The following ARIH2 variants were observed in gnomAD, a reference collection of about 807,000 sequenced individuals.
ARIH2 encodes E3 ubiquitin-protein ligase ARIH2.
Under a neutral mutation model 79.8 loss-of-function variants are expected in ARIH2, and 12 were observed. The observed-to-expected ratio is 0.15, with a 90% confidence interval of 0.10 to 0.24. ARIH2 has a LOEUF of 0.24. Ranked by LOEUF, ARIH2 falls within the 10% of genes least tolerant of loss-of-function variation. The probability of loss-of-function intolerance (pLI) is 1.00; values close to 1 mark genes in which losing one functional copy is unlikely to be tolerated. For missense variants in ARIH2, 301 were observed against 618.3 expected, an observed-to-expected ratio of 0.49 and a Z score of 5.44; for synonymous variants, 224 against 213.9, an observed-to-expected ratio of 1.05 and a Z score of -0.41.
At chr3:48,956,170 A>C (rs916387197) in intron 3 of ARIH2, among the ~76,000 whole-genome samples, 4 of 149,234 alleles carry the variant, frequency 2.7e-5, no homozygotes, top group Non-Finnish European at 5.9e-5. Flanking sequence ...ACGGAGTCTC[A>C]CTCTGTCACC....
chr3:48,977,349 C>T (rs1469688362), intron 11 of ARIH2, among the ~76,000 whole-genome samples: 2 of 151,914 alleles, frequency 1.3e-5, no homozygotes, highest in African/African-American at 2.4e-5. Context: ...CCCAGGCTGA[C>T]AGGCTGAGTG....
At chr3:48,931,203 T>C (rs1165033046) in intron 3 of ARIH2, among the ~76,000 whole-genome samples, 2 of 152,142 alleles carry the variant, frequency 1.3e-5, no homozygotes, top group African/African-American at 4.8e-5. Flanking sequence ...TCCTCCCATC[T>C]CAGCCTCCCA....
intron 12 of ARIH2, chr3:48,979,875 A>G (rs979404191): frequency 7.4e-6 from 3 of 404,702 alleles, no homozygotes; most frequent in Non-Finnish European, 1.3e-5. Flanking sequence ...TTGAAGGACA[A>G]TGAAGGGCCA....
rs1036285856 is a variant in ARIH2, at chr3:48,984,312, TTTC to T, written c.*1044_*1046del. ...GATAGCCCTTCCTAGGGCACTGGACTTTCTGGCATGGGGGCTGTGTTTGCACAA... is the reference window on the plus strand; with the variant it reads ...GATAGCCCTTCCTAGGGCACTGGACTTGGCATGGGGGCTGTGTTTGCACAA... On this transcript the variant is annotated 3_prime_UTR_variant, in exon 16 of 16. Transcript: ENST00000356401. 6.5e-6 allele frequency: 1 copy of T among 152,752 alleles called. No individual in the cohort carries two copies. Among genetic ancestry groups the T allele is most frequent in the African/African-American group, 2.4e-5 (1 of 41,540 alleles). 9.5% of individuals were successfully genotyped at this position (152,752 alleles called of 1,614,324 possible).
In ARIH2 at chr3:48,927,503, G is replaced by C. The variant is rs536857938; in HGVS notation, c.-56G>C. The C allele has an allele frequency of 8.7e-5, 138 of 1,582,104 alleles. No homozygotes were observed. Among genetic ancestry groups the C allele is most frequent in the East Asian group, 1.6e-4 (7 of 44,632 alleles). On this transcript the variant is annotated 5_prime_UTR_variant, in exon 3 of 16. Transcript: ENST00000356401. ...TGCATTTGAGAAAGCGGTAGTTTTG[G>C]GGGGAGGGGGAAAAAGCAACTGCTT...
At chr3:48,923,553 C>T (rs1424022521) in intron 2 of ARIH2, among the ~76,000 whole-genome samples, 4 of 149,314 alleles carry the variant, frequency 2.7e-5, no homozygotes, top group African/African-American at 7.4e-5. Flanking sequence ...TAGAGTTTCC[C>T]TCTTGTTGCC....
chr3:48,977,238 T>C (rs1274870487), intron 11 of ARIH2, among the ~76,000 whole-genome samples: 4 of 152,056 alleles, frequency 2.6e-5, no homozygotes, highest in Non-Finnish European at 4.4e-5. Flanking sequence ...GCCATCTCTT[T>C]CTTTGCTGTA....
Position 48,985,717 on chromosome 3 carries a change from G to T in ARIH2, c.*2447G>T, listed in dbSNP as rs1194497772. On this transcript the variant is annotated 3_prime_UTR_variant, in exon 16 of 16. Transcript: ENST00000356401. Reference sequence around the variant, plus strand: ...CCCTTTCTGGCTGTTGGGGGAGAGGGCACCTGTAAGTGATCCCTGTGGAAT... The same window carrying T: ...CCCTTTCTGGCTGTTGGGGGAGAGGTCACCTGTAAGTGATCCCTGTGGAAT... 1.3e-5 allele frequency: 2 copies of T among 152,154 alleles called. No homozygotes were observed. The highest frequency in any genetic ancestry group is 1.3e-4 in the Admixed American group (2 of 15,272). 9.4% of individuals were successfully genotyped at this position (152,154 alleles called of 1,614,324 possible). A position where few individuals can be genotyped will look rare whatever the true frequency, so the allele number is the denominator to read the frequency against.
At position 48,964,921 on chromosome 3, in the gene ARIH2, A is replaced by G. The variant is rs2091624253; in HGVS notation, c.326A>G (p.Tyr109Cys). The G allele has an allele frequency of 1.2e-6, 2 of 1,613,326 alleles. No homozygotes were observed. The highest frequency in any genetic ancestry group is 1.6e-4 in the Middle Eastern group (1 of 6,062). The change falls in exon 5 of 16, where the codon TAC becomes TGC. Residue 109 changes from tyrosine (Y) to cysteine (C), a missense_variant and splice_region_variant. Tyr to Cys is a radical substitution (Grantham distance 194). Transcript: ENST00000356401. Reference sequence around the variant, plus strand: ...CATTTCTGCTTTTTGTTTTGTAGATACAAGTCCAATTCTGCTCAACTGCTT... The same window carrying G: ...CATTTCTGCTTTTTGTTTTGTAGATGCAAGTCCAATTCTGCTCAACTGCTT... Reference protein sequence around the residue: ...HWQVSEILDRYKSNSAQLLVE... With the variant: ...HWQVSEILDRCKSNSAQLLVE...
rs60243443 is a variant in ARIH2, at chr3:48,983,606, CAA to C, written c.*349_*350del. 220 of 151,588 alleles carry C rather than the reference CAA, an allele frequency of 1.5e-3. No homozygotes were observed. Among genetic ancestry groups the C allele is most frequent in the South Asian group, 3.5e-3 (20 of 5,634 alleles). 9.4% of individuals were successfully genotyped at this position (151,588 alleles called of 1,614,324 possible). ...AACTTTCAAAGGTTGTACAATTATA[CAA>C]AAAAAAAAAAAAGGCAAACTATAGG... On this transcript the variant is annotated 3_prime_UTR_variant, in exon 16 of 16. Coordinates refer to ENST00000356401, the MANE Select transcript of ARIH2 (RefSeq NM_006321.4).
At chr3:48,953,407 TTTTA>T (rs2090184934) in intron 3 of ARIH2, among the ~76,000 whole-genome samples, 1 of 152,154 alleles carries the variant, frequency 6.6e-6, no homozygotes, top group Non-Finnish European at 1.5e-5. Flanking sequence ...ATTTTCTTTT[TTTTA>T]TTTTTTATTT....
In ARIH2 at chr3:48,979,507, T is replaced by C. The variant is rs1267648728; in HGVS notation, c.987T>C (p.Asp329=). ...ACTTCTGCTGGATGTGTCTAGGAGA[T>C]TGGAAGACTCATGGCAGTGAATACT... is the stretch of plus-strand genomic sequence containing the variant. ...KHDFCWMCLG[D]WKTHGSEYYE... Residue 329 remains aspartate (D), a synonymous_variant, in exon 12 of 16, where the codon GAT becomes GAC. Transcript: ENST00000356401. 11 of 1,614,108 alleles carry C rather than the reference T, an allele frequency of 6.8e-6. No individual in the cohort carries two copies. Among genetic ancestry groups the C allele is most frequent in the Middle Eastern group, 1.6e-4 (1 of 6,078 alleles).
chr3:48,960,155 T>G (rs2107520534), intron 3 of ARIH2, among the ~76,000 whole-genome samples: 1 of 152,348 alleles, frequency 6.6e-6, no homozygotes, highest in Non-Finnish European at 1.5e-5. Context: ...AAGCCTGATC[T>G]AAGGCTTCCA....
At chr3:48,969,892 G>GTTTTT (rs1316536295) in intron 7 of ARIH2, among the ~76,000 whole-genome samples, 1 of 137,364 alleles carries the variant, frequency 7.3e-6, no homozygotes, top group African/African-American at 2.7e-5. Flanking sequence ...TCAGATATAT[G>GTTTTT]TTTTTTTTTT....
In ARIH2 at chr3:48,964,567, G is replaced by A. The variant is rs149601580; in HGVS notation, c.324-352G>A. Among the ~76,000 whole-genome samples, 450 of 152,036 alleles carry A rather than the reference G, an allele frequency of 3.0e-3. 4 individuals are homozygous for A. The highest frequency in any genetic ancestry group is 0.01 in the African/African-American group (427 of 41,480). ...TGACCTCAAGTGATCTGCCCGCCTC[G>A]GCCTCCCAAAGTGCTGGGATTGCAG... On this transcript the variant is annotated intron_variant, in intron 4 of 15. Transcript: ENST00000356401.
At chr3:48,935,053 AT>A (rs1438393581) in intron 3 of ARIH2, 6 of 671,226 alleles carry the variant, frequency 8.9e-6, no homozygotes, top group Non-Finnish European at 1.1e-5. Context: ...AAATAATATC[AT>A]TCATGTTTTC....
At chr3:48,934,793 T>C (rs975066008) in intron 3 of ARIH2, 84 of 985,320 alleles carry the variant, frequency 8.5e-5, no homozygotes, top group Non-Finnish European at 1.0e-4. Context: ...AAAGTTATTG[T>C]CATCGCTGTG....
Position 48,982,756 on chromosome 3 carries a change from AAC to A in ARIH2, c.1327-137_1327-136del, listed in dbSNP as rs1313938545. On this transcript the variant is annotated intron_variant, in intron 14 of 15. Coordinates refer to ENST00000356401, the MANE Select transcript of ARIH2 (RefSeq NM_006321.4). ...GATTCTGGCTCTGGGCACAGGGAAT[AAC>A]ACTACTTTCTGAGGACAGTATCAGG... 1.1e-5 allele frequency: 7 copies of A among 663,678 alleles called. No homozygotes were observed. In the African/African-American group the frequency reaches 1.3e-4, roughly 12 times the overall value. The allele number at this position is 663,678 out of a possible 1,614,324, so 41.1% of individuals were successfully genotyped here. A position where few individuals can be genotyped will look rare whatever the true frequency, so the allele number is the denominator to read the frequency against.
chr3:48,980,223 C>G, intron 12 of ARIH2, 130 bp from the exon 13 acceptor site: 4 of 912,184 alleles, frequency 4.4e-6, no homozygotes, highest in Non-Finnish European at 5.0e-6. Context: ...CCTGCTCTTG[C>G]ACTTTGGGGA....
Sources: gnomAD v4.1 joint callset for allele counts (sites outside exome capture counted in the v4.1 genomes callset) on GRCh38, gnomAD v4.1.1 for gene constraint, MANE v1.5 for transcripts, NCBI Gene and HGNC (gene_info 2026-07-23, HGNC 2026-07-21) for gene names.